INPP4B: variants seen among roughly 807,000 people sequenced by gnomAD.
INPP4B encodes inositol polyphosphate-4-phosphatase type II B, also known as inositol polyphosphate 4-phosphatase type II.
A neutral mutation model predicts 122.5 loss-of-function variants in INPP4B; 55 were observed. That is an observed-to-expected ratio of 0.45 (90% CI 0.36 to 0.56). The LOEUF (loss-of-function observed/expected upper bound fraction) is 0.56. Among genes scored for constraint, INPP4B ranks in the 20% least tolerant of loss-of-function variants. The pLI, the probability that INPP4B is intolerant of heterozygous loss-of-function variation, is 0.00. For missense variants in INPP4B, 1,000 were observed against 1,097.7 expected, an observed-to-expected ratio of 0.91 and a Z score of 1.26; for synonymous variants, 403 against 388.7, an observed-to-expected ratio of 1.04 and a Z score of -0.43.
At chr4:142,434,665 T>C (rs1810047614) in intron 3 of INPP4B, among the ~76,000 whole-genome samples, 2 of 152,136 alleles carry the variant, frequency 1.3e-5, no homozygotes, top group Admixed American at 6.5e-5. Flanking sequence ...GCAGAGGTTA[T>C]AGTGTTGGCT....
chr4:142,680,168 T>A (rs1307662121), intron 2 of INPP4B, among the ~76,000 whole-genome samples: 1 of 151,886 alleles, frequency 6.6e-6, no homozygotes, highest in Non-Finnish European at 1.5e-5. Flanking sequence ...ATTTTTAGAC[T>A]AATTTTAAAA....
chr4:142,384,909 G>A (rs1371989017), intron 7 of INPP4B, among the ~76,000 whole-genome samples: 1 of 151,980 alleles, frequency 6.6e-6, no homozygotes, highest in Non-Finnish European at 1.5e-5. Context: ...AACTACATAC[G>A]AGTTCCTGCA....
chr4:142,054,589 C>CT (rs1458848067), intron 25 of INPP4B, among the ~76,000 whole-genome samples: 1 of 46,388 alleles, frequency 2.2e-5, no homozygotes, highest in Non-Finnish European at 9.6e-5. Flanking sequence ...CAGAGGGTCC[C>CT]ATTTTTTTTT....
chr4:142,399,072 G>A (rs1248851623), intron 7 of INPP4B, among the ~76,000 whole-genome samples: 1 of 151,954 alleles, frequency 6.6e-6, no homozygotes, highest in African/African-American at 2.4e-5. Flanking sequence ...GTCCTCAGAG[G>A]GTGTTGGAAG....
chr4:142,577,507 A>G (rs1184361756), intron 2 of INPP4B, among the ~76,000 whole-genome samples: 1 of 152,010 alleles, frequency 6.6e-6, no homozygotes, highest in Non-Finnish European at 1.5e-5. Flanking sequence ...TATAAATGGG[A>G]AGAGAAAGAA....
chr4:142,530,204 C>T (rs1454054654), intron 2 of INPP4B, among the ~76,000 whole-genome samples: 1 of 151,886 alleles, frequency 6.6e-6, no homozygotes. Context: ...TTTTAAAAAC[C>T]CAAATATTTG....
chr4:142,683,057 T>C (rs1476298889), intron 2 of INPP4B, among the ~76,000 whole-genome samples: 2 of 151,928 alleles, frequency 1.3e-5, no homozygotes, highest in Admixed American at 1.3e-4. Flanking sequence ...CAGCTGAAGC[T>C]TGTCTTATTC....
chr4:142,303,565 A>G, intron 9 of INPP4B, among the ~76,000 whole-genome samples: 1 of 152,230 alleles, frequency 6.6e-6, no homozygotes, highest in East Asian at 1.9e-4. Flanking sequence ...CAGAATTTTT[A>G]AAAAAGCCAT....
At chr4:142,302,647 T>C (rs1368454073) in intron 9 of INPP4B, among the ~76,000 whole-genome samples, 1 of 152,150 alleles carries the variant, frequency 6.6e-6, no homozygotes, top group Admixed American at 6.6e-5. Context: ...TTGGTTATTG[T>C]CATCCTTATT....
chr4:142,595,547 TTA>T (rs1738509446), intron 2 of INPP4B, among the ~76,000 whole-genome samples: 1 of 152,304 alleles, frequency 6.6e-6, no homozygotes, highest in Non-Finnish European at 1.5e-5. Context: ...AAAACTTATT[TTA>T]TGTTTATCCA....
intron 25 of INPP4B, among the ~76,000 whole-genome samples, chr4:142,071,208 C>G (rs918168880): frequency 6.6e-6 from 1 of 152,116 alleles, no homozygotes; most frequent in African/African-American, 2.4e-5. Flanking sequence ...TGATCTTTGA[C>G]AAACCTGACA....
intron 2 of INPP4B, among the ~76,000 whole-genome samples, chr4:142,604,807 AAATTC>A: frequency 6.6e-6 from 1 of 152,246 alleles, no homozygotes; most frequent in Non-Finnish European, 1.5e-5. Context: ...AGCCATCTAC[AAATTC>A]AATGCAATCT....
At chr4:142,739,439 G>A (rs1451106280) in intron 1 of INPP4B, among the ~76,000 whole-genome samples, 1 of 151,944 alleles carries the variant, frequency 6.6e-6, no homozygotes, top group Non-Finnish European at 1.5e-5. Flanking sequence ...GGCATTAGAT[G>A]GTAATGAGTC....
At chr4:142,522,986 T>A (rs1826302989) in intron 2 of INPP4B, among the ~76,000 whole-genome samples, 1 of 151,964 alleles carries the variant, frequency 6.6e-6, no homozygotes, top group Non-Finnish European at 1.5e-5. Context: ...TAGCTGTGAG[T>A]TTGAAAAGAA....
chr4:142,563,277 G>C (rs1730857466), intron 2 of INPP4B, among the ~76,000 whole-genome samples: 1 of 152,180 alleles, frequency 6.6e-6, no homozygotes, highest in South Asian at 2.1e-4. Flanking sequence ...AGTTTGCTGT[G>C]TTTGAGAGTG....
intron 7 of INPP4B, among the ~76,000 whole-genome samples, chr4:142,365,216 G>A (rs959377234): frequency 6.6e-6 from 1 of 152,242 alleles, no homozygotes; most frequent in South Asian, 2.1e-4. Context: ...AGTCAGCTGG[G>A]AGGAGGAATT....
intron 11 of INPP4B, among the ~76,000 whole-genome samples, chr4:142,247,180 G>T (rs774000945): frequency 1.3e-5 from 2 of 152,134 alleles, no homozygotes; most frequent in Non-Finnish European, 2.9e-5. Context: ...TTGATATGCT[G>T]CTGGATTCAG....
chr4:142,668,851 A>G (rs543401968), intron 2 of INPP4B, among the ~76,000 whole-genome samples: 1 of 151,810 alleles, frequency 6.6e-6, no homozygotes, highest in African/African-American at 2.4e-5. Context: ...GATTGAGACT[A>G]TCCTGGCTAA....
chr4:142,811,454 G>T (rs1307248603), intron 1 of INPP4B, among the ~76,000 whole-genome samples: 1 of 152,162 alleles, frequency 6.6e-6, no homozygotes, highest in Non-Finnish European at 1.5e-5. Flanking sequence ...CTTATTAGGG[G>T]TGCACTTACT....
Sources: allele counts gnomAD v4.1 joint callset (sites outside exome capture counted in the v4.1 genomes callset), GRCh38; gene constraint gnomAD v4.1.1; transcripts MANE v1.5; gene names NCBI Gene and HGNC (gene_info 2026-07-23, HGNC 2026-07-21).